The following SUCLG2 variants were observed in gnomAD, a reference collection of about 807,000 sequenced individuals.
The protein encoded by SUCLG2 is succinate--CoA ligase [GDP-forming] subunit beta, mitochondrial.
A neutral mutation model predicts 47.9 loss-of-function variants in SUCLG2; 42 were observed. That is an observed-to-expected ratio of 0.88 (90% CI 0.69 to 1.14). SUCLG2 has a LOEUF of 1.14. SUCLG2 is among the 50% of genes most tolerant of loss of function. SUCLG2 has a pLI of 0.00. For synonymous variants in SUCLG2, 195 were observed against 197.3 expected, an observed-to-expected ratio of 0.99 and a Z score of 0.10; for missense variants, 571 against 525.9, an observed-to-expected ratio of 1.09 and a Z score of -0.84.
intron 9 of SUCLG2, among the ~76,000 whole-genome samples, chr3:67,424,884 C>G (rs1027794534): frequency 6.6e-6 from 1 of 152,016 alleles, no homozygotes; most frequent in Non-Finnish European, 1.5e-5. Flanking sequence ...CCACTTTTAG[C>G]CAATCTGAAC....
intron 1 of SUCLG2, among the ~76,000 whole-genome samples, chr3:67,616,552 AT>A (rs1486793994): frequency 2.0e-5 from 3 of 152,228 alleles, no homozygotes; most frequent in East Asian, 1.9e-4. Context: ...ATTTAAAAAA[AT>A]TTTTTTAATA....
chr3:67,379,448 A>G (rs1271815308), intron 10 of SUCLG2, among the ~76,000 whole-genome samples: 2 of 152,098 alleles, frequency 1.3e-5, no homozygotes, highest in Non-Finnish European at 2.9e-5. Context: ...TATTCAGATA[A>G]CTTCTTATTC....
chr3:67,455,901 G>A (rs533999460), intron 9 of SUCLG2, among the ~76,000 whole-genome samples: 1 of 152,136 alleles, frequency 6.6e-6, no homozygotes, highest in South Asian at 2.1e-4. Flanking sequence ...GGGGTAAGGG[G>A]CACTGTTGTG....
At chr3:67,641,787 G>T (rs1403390221) in intron 1 of SUCLG2, among the ~76,000 whole-genome samples, 1 of 152,116 alleles carries the variant, frequency 6.6e-6, no homozygotes, top group East Asian at 1.9e-4. Context: ...TGCAGTTTAG[G>T]AGGCTTAAAG....
chr3:67,579,429 C>A (rs564201832), intron 2 of SUCLG2, among the ~76,000 whole-genome samples: 2 of 152,212 alleles, frequency 1.3e-5, no homozygotes, highest in African/African-American at 2.4e-5. Context: ...CATAGGCTAA[C>A]ACCCTGCCCT....
chr3:67,466,357 A>C (rs1019566855), intron 9 of SUCLG2, among the ~76,000 whole-genome samples: 11 of 152,332 alleles, frequency 7.2e-5, no homozygotes, highest in African/African-American at 2.6e-4. Context: ...TCTCAAAAAA[A>C]AGAATTTATG....
intron 1 of SUCLG2, among the ~76,000 whole-genome samples, chr3:67,636,941 G>A (rs1292062347): frequency 6.6e-6 from 1 of 152,020 alleles, no homozygotes; most frequent in African/African-American, 2.4e-5. Flanking sequence ...AGCTGGAAAT[G>A]GCTGCCCAGG....
intron 9 of SUCLG2, among the ~76,000 whole-genome samples, chr3:67,493,152 A>G (rs1705244876): frequency 6.6e-6 from 1 of 152,228 alleles, no homozygotes; most frequent in African/African-American, 2.4e-5. Context: ...AATTACTGCC[A>G]AAACTACAGC....
chr3:67,405,798 T>A (rs4856862), intron 9 of SUCLG2, among the ~76,000 whole-genome samples: 110,555 of 152,100 alleles, frequency 0.73, 40,699 homozygotes, highest in African/African-American at 0.8. Context: ...TATGAATAGC[T>A]ATCACAAATA....
At chr3:67,609,340 T>A in intron 2 of SUCLG2, 115 bp downstream of exon 2, 1 of 1,250,736 alleles carries the variant, frequency 8.0e-7, no homozygotes. Context: ...AGCTCTCCCC[T>A]GTATCTGTCC....
chr3:67,570,299 A>G (rs929021279), intron 2 of SUCLG2, among the ~76,000 whole-genome samples: 2 of 152,194 alleles, frequency 1.3e-5, no homozygotes, highest in East Asian at 1.9e-4. Flanking sequence ...TGCCATTTAC[A>G]TTCTCCCTGA....
chr3:67,420,073 G>T (rs1263811732), intron 9 of SUCLG2, among the ~76,000 whole-genome samples: 2 of 152,126 alleles, frequency 1.3e-5, no homozygotes, highest in Non-Finnish European at 2.9e-5. Flanking sequence ...TATTATTATG[G>T]TTACACAGAA....
At chr3:67,643,801 C>A (rs1701144437) in intron 1 of SUCLG2, among the ~76,000 whole-genome samples, 2 of 152,204 alleles carry the variant, frequency 1.3e-5, no homozygotes, top group Admixed American at 1.3e-4. Flanking sequence ...CTCAGCCTCC[C>A]AAGTAGCTGG....
At chr3:67,463,532 T>C (rs1704390066) in intron 9 of SUCLG2, among the ~76,000 whole-genome samples, 1 of 152,262 alleles carries the variant, frequency 6.6e-6, no homozygotes, top group African/African-American at 2.4e-5. Context: ...TTTATCTTTA[T>C]ATATTTTGTT....
chr3:67,634,069 C>T (rs1044131648), intron 1 of SUCLG2, among the ~76,000 whole-genome samples: 42 of 152,170 alleles, frequency 2.8e-4, no homozygotes, highest in African/African-American at 9.4e-4. Flanking sequence ...ACATCATGTC[C>T]CCACTGTAGA....
At chr3:67,613,165 C>T (rs888651739) in intron 1 of SUCLG2, among the ~76,000 whole-genome samples, 6 of 152,178 alleles carry the variant, frequency 3.9e-5, no homozygotes, top group African/African-American at 1.4e-4. Flanking sequence ...ATTAACTCAA[C>T]TTTTAGTCCC....
chr3:67,625,054 GA>G (rs1700802394), intron 1 of SUCLG2, among the ~76,000 whole-genome samples: 1 of 152,174 alleles, frequency 6.6e-6, no homozygotes, highest in South Asian at 2.1e-4. Flanking sequence ...GAAACATCAA[GA>G]AAGTTTTATA....
At chr3:67,597,386 A>C (rs1305313097) in intron 2 of SUCLG2, among the ~76,000 whole-genome samples, 1 of 152,162 alleles carries the variant, frequency 6.6e-6, no homozygotes, top group Non-Finnish European at 1.5e-5. Context: ...TTTAGCCTAG[A>C]TGGAGGGTTC....
intron 2 of SUCLG2, among the ~76,000 whole-genome samples, chr3:67,593,389 T>C (rs549646189): frequency 6.6e-6 from 1 of 152,022 alleles, no homozygotes; most frequent in South Asian, 2.1e-4. Context: ...TCAATTGGTC[T>C]AACACATATA....
Sources: gnomAD v4.1 joint callset for allele counts (sites outside exome capture counted in the v4.1 genomes callset) on GRCh38, gnomAD v4.1.1 for gene constraint, MANE v1.5 for transcripts, NCBI Gene and HGNC (gene_info 2026-07-23, HGNC 2026-07-21) for gene names.